The following PID1 variants were observed in gnomAD, a reference collection of about 807,000 sequenced individuals.
PID1 encodes the protein PTB-containing, cubilin and LRP1-interacting protein.
A neutral mutation model predicts 19.1 loss-of-function variants in PID1; 10 were observed. The observed-to-expected ratio is 0.52, with a 90% CI of 0.32 to 0.89. The LOEUF is 0.89. Among genes scored for constraint, PID1 ranks in the 40% least tolerant of loss-of-function variants. The pLI, the probability that PID1 is intolerant of heterozygous loss-of-function variation, is 0.03. For synonymous variants in PID1, 130 were observed against 116.0 expected (o/e 1.12, Z -0.78); for missense variants, 248 against 285.3 (o/e 0.87, Z 0.94).
intron 1 of PID1, among the ~76,000 whole-genome samples, chr2:229,234,845 T>C (rs973671480): frequency 6.6e-6 from 1 of 152,128 alleles, no homozygotes; most frequent in Non-Finnish European, 1.5e-5. Flanking sequence ...GACCATGGCG[T>C]TTTCAGAGCA....
In PID1 at chr2:229,026,392, T is replaced by G. The variant is rs1470641079; in HGVS notation, c.178-284A>C. On this transcript the variant is annotated intron_variant, in intron 2 of 2. Coordinates refer to ENST00000392055, the MANE Select transcript of PID1 (RefSeq NM_001100818.2). ...TCCTTACTCCTTTTTTAAACCCCAA[T>G]TAAAACGAAGAGTATGATCTTTTAC... is the stretch of plus-strand genomic sequence containing the variant. 6.6e-5 allele frequency among the ~76,000 whole-genome samples: 10 copies of G among 152,228 alleles called. 1 individual carries two copies. The highest frequency in any genetic ancestry group is 1.9e-4 in the African/African-American group (8 of 41,466).
intron 2 of PID1, among the ~76,000 whole-genome samples, chr2:229,136,146 G>A (rs972882812): frequency 3.9e-5 from 6 of 152,170 alleles, no homozygotes; most frequent in African/African-American, 1.2e-4. Context: ...CTCCAGGAAA[G>A]GCTTTTGTGG....
chr2:229,166,888 C>T (rs778211541), intron 1 of PID1, among the ~76,000 whole-genome samples: 18 of 148,312 alleles, frequency 1.2e-4, no homozygotes, highest in Admixed American at 2.7e-4. Flanking sequence ...ATTTCAGTAA[C>T]AATAAATAAT....
chr2:229,040,889 G>C (rs1013261446), intron 2 of PID1, among the ~76,000 whole-genome samples: 2 of 152,170 alleles, frequency 1.3e-5, no homozygotes, highest in Non-Finnish European at 2.9e-5. Context: ...TAAATGTTGA[G>C]AACCATGTTT....
At chr2:229,219,903 T>C (rs7578745) in intron 1 of PID1, among the ~76,000 whole-genome samples, 152,107 of 152,230 alleles carry the variant, frequency 1, 75,992 homozygotes, top group Middle Eastern at 1. Flanking sequence ...TCTAAGGTCA[T>C]ATGCTAGTAA....
intron 2 of PID1, among the ~76,000 whole-genome samples, chr2:229,040,655 G>A (rs1487151479): frequency 2.0e-5 from 3 of 152,028 alleles, no homozygotes; most frequent in Non-Finnish European, 4.4e-5. Flanking sequence ...AAACCTAACT[G>A]GATTGCAAAT....
At chr2:229,224,415 G>A (rs1171831438) in intron 1 of PID1, among the ~76,000 whole-genome samples, 1 of 152,074 alleles carries the variant, frequency 6.6e-6, no homozygotes, top group Non-Finnish European at 1.5e-5. Context: ...AATGTCGGCT[G>A]TTTCCTTCAC....
intron 2 of PID1, among the ~76,000 whole-genome samples, chr2:229,112,875 C>G (rs1695327106): frequency 6.6e-6 from 1 of 152,174 alleles, no homozygotes; most frequent in Non-Finnish European, 1.5e-5. Context: ...AATCAGCTCA[C>G]AGATGCTAGT....
intron 2 of PID1, among the ~76,000 whole-genome samples, chr2:229,069,528 C>T (rs374957401): frequency 2.0e-5 from 3 of 152,180 alleles, no homozygotes; most frequent in East Asian, 3.9e-4. Context: ...CAAGAAAGTA[C>T]TTGGTGGCTA....
intron 2 of PID1, among the ~76,000 whole-genome samples, chr2:229,155,029 T>C (rs1341876054): frequency 6.6e-6 from 1 of 152,232 alleles, no homozygotes; most frequent in Non-Finnish European, 1.5e-5. Context: ...TGAATATTAG[T>C]ATAAATTTTG....
At chr2:229,256,623 TG>T (rs1690305982) in intron 1 of PID1, among the ~76,000 whole-genome samples, 1 of 152,134 alleles carries the variant, frequency 6.6e-6, no homozygotes, top group Non-Finnish European at 1.5e-5. Flanking sequence ...GAAACTTCTG[TG>T]GCAAGACTTA....
chr2:229,132,380 C>T (rs1376023916), intron 2 of PID1, among the ~76,000 whole-genome samples: 1 of 152,162 alleles, frequency 6.6e-6, no homozygotes, highest in Non-Finnish European at 1.5e-5. Flanking sequence ...AACTGCCTTT[C>T]GAACCACATG....
Position 229,164,685 on chromosome 2 carries a change from A to G in PID1, c.31-8721T>C, listed in dbSNP as rs531276158. Reference sequence around the variant, plus strand: ...AGTTTGTGACCCTGGGTATGAAGCAATGAAGGACAGTGGCCCCTGAGAGAT... The same window carrying G: ...AGTTTGTGACCCTGGGTATGAAGCAGTGAAGGACAGTGGCCCCTGAGAGAT... On this transcript the variant is annotated intron_variant, in intron 1 of 2. Coordinates refer to ENST00000392055, the MANE Select transcript of PID1 (RefSeq NM_001100818.2). Among the ~76,000 whole-genome samples, 13 of 152,330 alleles carry G rather than the reference A, an allele frequency of 8.5e-5. No homozygotes were observed. The East Asian group carries it at 2.5e-3, about 29-fold the overall frequency.
intron 1 of PID1, among the ~76,000 whole-genome samples, chr2:229,156,274 T>C (rs1031508255): frequency 6.6e-6 from 1 of 152,196 alleles, no homozygotes; most frequent in African/African-American, 2.4e-5. Flanking sequence ...ATTGTGGCAA[T>C]GGAATCCATG....
intron 2 of PID1, among the ~76,000 whole-genome samples, chr2:229,063,105 T>C (rs1694245349): frequency 6.6e-6 from 1 of 152,112 alleles, no homozygotes; most frequent in Non-Finnish European, 1.5e-5. Context: ...ATTGTCTGTC[T>C]AATATCTATT....
chr2:229,068,766 G>A (rs560436394), intron 2 of PID1, among the ~76,000 whole-genome samples: 2 of 152,282 alleles, frequency 1.3e-5, no homozygotes, highest in East Asian at 1.9e-4. Context: ...TCACAACTGT[G>A]TATGTAAGAA....
At chr2:229,216,070 T>C (rs1038266277) in intron 1 of PID1, among the ~76,000 whole-genome samples, 1 of 152,148 alleles carries the variant, frequency 6.6e-6, no homozygotes, top group African/African-American at 2.4e-5. Context: ...GACCCAAGCC[T>C]TCCTGGCTTG....
chr2:229,271,031 C>A lies in PID1; in HGVS notation c.13G>T (p.Ala5Ser). MWQP[A>S]TERLQHFQTM... ...CCCCTTACCTGCAGGCGCTCCGTGGCCGGCTGCCACATCTTCCAGCCCTGG... is the reference window on the plus strand; with the variant it reads ...CCCCTTACCTGCAGGCGCTCCGTGGACGGCTGCCACATCTTCCAGCCCTGG... The change falls in exon 1 of 3, where the codon GCC becomes TCC. Residue 5 changes from alanine (A) to serine (S), a missense_variant. Physicochemically the swap from Ala to Ser is moderately conservative, Grantham distance 99 (BLOSUM62 1). Coordinates refer to ENST00000392055, the MANE Select transcript of PID1 (RefSeq NM_001100818.2). 6.5e-7 allele frequency: 1 copy of A among 1,543,124 alleles called. No homozygotes were observed. Among genetic ancestry groups the A allele is most frequent in the Non-Finnish European group, 8.7e-7 (1 of 1,144,106 alleles).
At position 229,184,345 on chromosome 2, in the gene PID1, C is replaced by CATATATATATCCCAT. The variant is rs1559274257; in HGVS notation, c.31-28382_31-28381insATGGGATATATATAT. Among the ~76,000 whole-genome samples, 29 of 27,390 alleles carry CATATATATATCCCAT rather than the reference C, an allele frequency of 1.1e-3. 5 individuals are homozygous for CATATATATATCCCAT. Among genetic ancestry groups the CATATATATATCCCAT allele is most frequent in the African/African-American group, 4.5e-3 (29 of 6,458 alleles). The allele number at this position is 27,390 out of a possible 152,430, so 18.0% of individuals were successfully genotyped here. A position where few individuals can be genotyped will look rare whatever the true frequency, so the allele number is the denominator to read the frequency against. ...GTATATATATCCCATATATATATCC[C>CATATATATATCCCAT]ATATATATATCACACATATATATCC... On this transcript the variant is annotated intron_variant, in intron 1 of 2. Coordinates refer to ENST00000392055, the MANE Select transcript of PID1 (RefSeq NM_001100818.2).
Sources: allele counts gnomAD v4.1 joint callset (sites outside exome capture counted in the v4.1 genomes callset), GRCh38; gene constraint gnomAD v4.1.1; transcripts MANE v1.5; gene names NCBI Gene and HGNC (gene_info 2026-07-23, HGNC 2026-07-21).